The following SLC35F4 variants were observed in gnomAD, a reference collection of about 807,000 sequenced individuals.
The protein encoded by SLC35F4 is solute carrier family 35 member F4.
Under a neutral mutation model 44.2 loss-of-function variants are expected in SLC35F4, and 24 were observed. That is an observed-to-expected ratio of 0.54 (90% CI 0.39 to 0.76). The LOEUF (loss-of-function observed/expected upper bound fraction) is 0.76, where lower values mean the gene tolerates loss of function less well. Among genes scored for constraint, SLC35F4 ranks in the 30% least tolerant of loss-of-function variants. SLC35F4 has a pLI of 0.00. For synonymous variants in SLC35F4, 238 were observed against 223.6 expected (o/e 1.06, Z -0.57); for missense variants, 562 against 586.1 (o/e 0.96, Z 0.42).
chr14:57,717,490 G>T (rs932925497), intron 1 of SLC35F4, among the ~76,000 whole-genome samples: 1 of 152,114 alleles, frequency 6.6e-6, no homozygotes, highest in African/African-American at 2.4e-5. Flanking sequence ...CAAAAAATTA[G>T]CCAGGCGTGG....
intron 1 of SLC35F4, among the ~76,000 whole-genome samples, chr14:57,757,557 T>C (rs2098873507): frequency 6.6e-6 from 1 of 152,192 alleles, no homozygotes; most frequent in African/African-American, 2.4e-5. Flanking sequence ...TTTTTATCAG[T>C]TTCTTTAGAG....
At position 57,909,719 on chromosome 14, in the gene SLC35F4, A is replaced by G. The variant is rs74516765; in HGVS notation, n.282+72194T>C. Among the ~76,000 whole-genome samples the G allele has an allele frequency of 0.025, 3,849 of 152,184 alleles. 431 individuals carry two copies. In the East Asian group the frequency reaches 0.4, roughly 16 times the overall value. ...ACACAGTTCATTTATCTCTTTGCCTACTGAGGGATATGTTGGTTGCTTCCA... is the reference window on the plus strand; with the variant it reads ...ACACAGTTCATTTATCTCTTTGCCTGCTGAGGGATATGTTGGTTGCTTCCA... On this transcript the variant is annotated intron_variant and non_coding_transcript_variant, in intron 1 of 1. Transcript: ENST00000556568.
At chr14:57,629,063 C>T (rs139594428) in intron 1 of SLC35F4, among the ~76,000 whole-genome samples, 3,407 of 152,176 alleles carry the variant, frequency 0.022, 69 homozygotes, top group South Asian at 0.048. Flanking sequence ...GAGACATGGT[C>T]GGAGCTAAGG....
At chr14:57,675,932 C>T (rs1021825680) in intron 1 of SLC35F4, among the ~76,000 whole-genome samples, 5 of 151,558 alleles carry the variant, frequency 3.3e-5, no homozygotes, top group African/African-American at 1.2e-4. Flanking sequence ...TGACTAAGAC[C>T]CCAAAAGCAA....
intron 1 of SLC35F4, among the ~76,000 whole-genome samples, chr14:57,938,038 C>T (rs891126729): frequency 6.6e-6 from 1 of 152,156 alleles, no homozygotes; most frequent in Non-Finnish European, 1.5e-5. Context: ...GAAAATGCGT[C>T]TTCCTTATCA....
intron 1 of SLC35F4, among the ~76,000 whole-genome samples, chr14:57,778,698 T>G: frequency 6.6e-6 from 1 of 151,688 alleles, no homozygotes; most frequent in South Asian, 2.1e-4. Flanking sequence ...GTACATACTC[T>G]AAAATCAACT....
chr14:57,657,047 A>G (rs146599021), intron 1 of SLC35F4, among the ~76,000 whole-genome samples: 118 of 152,350 alleles, frequency 7.7e-4, no homozygotes, highest in Non-Finnish European at 1.5e-3. Flanking sequence ...TTCAGTTTAG[A>G]TGAGACACCA....
At chr14:57,936,247 G>A (rs1170057796) in intron 1 of SLC35F4, among the ~76,000 whole-genome samples, 1 of 152,194 alleles carries the variant, frequency 6.6e-6, no homozygotes, top group East Asian at 1.9e-4. Context: ...TGGATCAGAT[G>A]TATTTTACTT....
At chr14:57,975,193 C>A (rs142546118), downstream of SLC35F4, among the ~76,000 whole-genome samples, 215 of 152,286 alleles carry the variant, frequency 1.4e-3, no homozygotes, top group African/African-American at 4.9e-3. Flanking sequence ...TTGCAATTCC[C>A]AGAGTCCCAG....
intron 4 of SLC35F4, among the ~76,000 whole-genome samples, chr14:57,575,781 C>CCAAT (rs371933436): frequency 2.3e-4 from 35 of 152,234 alleles, no homozygotes; most frequent in African/African-American, 6.7e-4. Context: ...ATTTTCAGAG[C>CCAAT]CAATCAGAAG....
chr14:57,960,471 C>G (rs999387260), intron 1 of SLC35F4, among the ~76,000 whole-genome samples: 2 of 152,162 alleles, frequency 1.3e-5, no homozygotes, highest in African/African-American at 4.8e-5. Flanking sequence ...CTTTCTTTTC[C>G]TATTATTCTG....
At chr14:57,624,475 A>G (rs1009947185) in intron 1 of SLC35F4, among the ~76,000 whole-genome samples, 15 of 152,218 alleles carry the variant, frequency 9.9e-5, no homozygotes, top group African/African-American at 3.1e-4. Flanking sequence ...TCATCCTGAT[A>G]CAACAACCTG....
At chr14:57,634,509 T>C (rs898124045) in intron 1 of SLC35F4, among the ~76,000 whole-genome samples, 6 of 151,956 alleles carry the variant, frequency 3.9e-5, no homozygotes, top group Non-Finnish European at 7.4e-5. Context: ...GTGAAGTGGG[T>C]GGAGTATGGC....
chr14:57,792,134 T>C (rs958330450), intron 1 of SLC35F4, among the ~76,000 whole-genome samples: 1 of 151,740 alleles, frequency 6.6e-6, no homozygotes, highest in Admixed American at 6.6e-5. Flanking sequence ...GGAAGATATA[T>C]GAATGGCCAG....
At chr14:57,881,200 A>G (rs1472807351) in intron 1 of SLC35F4, among the ~76,000 whole-genome samples, 1 of 152,176 alleles carries the variant, frequency 6.6e-6, no homozygotes, top group Non-Finnish European at 1.5e-5. Context: ...TCAGCTCAGT[A>G]TACTTTCAGA....
chr14:57,753,858 T>C (rs1474242034), intron 1 of SLC35F4, among the ~76,000 whole-genome samples: 2 of 152,072 alleles, frequency 1.3e-5, no homozygotes, highest in African/African-American at 4.8e-5. Flanking sequence ...CCTTTTCTTA[T>C]ATTGTCTAGG....
At chr14:57,792,775 G>C (rs1002508569) in intron 1 of SLC35F4, among the ~76,000 whole-genome samples, 6 of 152,012 alleles carry the variant, frequency 3.9e-5, no homozygotes, top group Non-Finnish European at 8.8e-5. Context: ...GGACTCAAGG[G>C]GAAAGGTGGG....
chr14:57,699,172 T>C (rs116213245), intron 1 of SLC35F4, among the ~76,000 whole-genome samples: 37 of 152,326 alleles, frequency 2.4e-4, no homozygotes, highest in African/African-American at 8.7e-4. Flanking sequence ...AGAAATTTTA[T>C]AAAGAAGAAT....
chr14:57,702,026 A>G (rs2075554839), intron 1 of SLC35F4, among the ~76,000 whole-genome samples: 1 of 152,212 alleles, frequency 6.6e-6, no homozygotes, highest in Non-Finnish European at 1.5e-5. Context: ...AGCTGTATCC[A>G]TAAGTTTGAT....
Sources: allele counts gnomAD v4.1 joint callset (sites outside exome capture counted in the v4.1 genomes callset), GRCh38; gene constraint gnomAD v4.1.1; transcripts MANE v1.5; gene names NCBI Gene and HGNC (gene_info 2026-07-23, HGNC 2026-07-21).